The following RNF4 variants were observed in gnomAD, a reference collection of about 807,000 sequenced individuals.
RNF4 encodes the protein ring finger protein 4, also known as E3 ubiquitin-protein ligase RNF4.
Under a neutral mutation model 24.3 loss-of-function variants are expected in RNF4, and 7 were observed. The ratio of observed to expected loss-of-function variants is 0.29; its 90% CI spans 0.16 to 0.54. The LOEUF (loss-of-function observed/expected upper bound fraction) is 0.54, where lower values mean the gene tolerates loss of function less well. RNF4 is among the 20% of genes least tolerant of loss of function. The probability of loss-of-function intolerance (pLI) is 0.95; values close to 1 mark genes in which losing one functional copy is unlikely to be tolerated. For missense variants in RNF4, 209 were observed against 248.5 expected (o/e 0.84, Z 1.07); for synonymous variants, 83 against 84.3 (o/e 0.98, Z 0.09).
intron 2 of RNF4, chr4:2,490,765 AC>A (rs1735555279): frequency 2.5e-6 from 1 of 400,764 alleles, no homozygotes; most frequent in African/African-American, 2.0e-5. Context: ...GACCTTCACA[AC>A]AGTTGTCAGT....
Position 2,484,272 on chromosome 4 carries a change from C to T in RNF4, c.-157-6065C>T, listed in dbSNP as rs143300910. On this transcript the variant is annotated intron_variant, in intron 1 of 7. Transcript: ENST00000314289. The stretch of plus-strand genomic sequence containing the variant: ...TCCCTGTGGACTGGCTGCAGAGTTA[C>T]GATATCATTCTGGTTCTGCTGTGCT... 1.3e-3 allele frequency among the ~76,000 whole-genome samples: 192 copies of T among 151,918 alleles called. 1 individual carries two copies. Among genetic ancestry groups the T allele is most frequent in the African/African-American group, 4.4e-3 (183 of 41,404 alleles).
intron 1 of RNF4, among the ~76,000 whole-genome samples, chr4:2,478,015 C>T (rs1336412606): frequency 6.6e-6 from 1 of 152,086 alleles, no homozygotes; most frequent in Non-Finnish European, 1.5e-5. Context: ...ACAATGAAAT[C>T]CAGGCTGAGA....
At position 2,482,371 on chromosome 4, in the gene RNF4, C is replaced by A. The variant is rs575786179; in HGVS notation, c.-157-7966C>A. On this transcript the variant is annotated intron_variant, in intron 1 of 7. Transcript: ENST00000314289. ...CTCTGTGCTCAGTGGCCATCAACAC[C>A]AGGTAGCTTGGCAAGCCTGCCTCCT... Among the ~76,000 whole-genome samples, 15 of 152,342 alleles carry A rather than the reference C, an allele frequency of 9.8e-5. No individual in the cohort carries two copies. In the South Asian group the frequency reaches 3.1e-3, roughly 32 times the overall value.
At chr4:2,507,891 G>C (rs1560413493) in intron 4 of RNF4, among the ~76,000 whole-genome samples, 1 of 151,236 alleles carries the variant, frequency 6.6e-6, no homozygotes, top group Non-Finnish European at 1.5e-5. Flanking sequence ...GTGTTGCTCT[G>C]TTGCCCAGGC....
In RNF4 at chr4:2,513,101, T is replaced by C. The variant is rs546456474; in HGVS notation, c.393T>C (p.Ser131=). Residue 131 remains serine, a synonymous_variant, in exon 7 of 8, where the codon AGT becomes AGC. Coordinates refer to ENST00000314289, the MANE Select transcript of RNF4 (RefSeq NM_002938.5). ...ATGLRPSGTV[S]CPICMDGYSE... ...CTCTTAGGCCCTCAGGTACTGTCAG[T>C]TGTCCCATCTGCATGGACGGATACT... is the stretch of plus-strand genomic sequence containing the variant. 2.2e-5 allele frequency: 35 copies of C among 1,613,952 alleles called. 1 individual carries two copies. The South Asian group carries it at 3.8e-4, about 18-fold the overall frequency.
chr4:2,501,733 G>A (rs1343182096), intron 4 of RNF4, among the ~76,000 whole-genome samples: 1 of 152,200 alleles, frequency 6.6e-6, no homozygotes, highest in Admixed American at 6.5e-5. Context: ...GAGGAGGACT[G>A]TGGGGTGTGG....
Position 2,512,399 on chromosome 4 carries a change from AG to A in RNF4, c.215-38del. On this transcript the variant is annotated intron_variant, in intron 5 of 7. Transcript: ENST00000314289. This position sits in a 1 kb window ranked among gnomAD's most constrained non-coding sequence, Gnocchi z 4.1. Reference sequence around the variant, plus strand: ...TGGGAGTGGTGAGGATGGTAAGAGTAGAGAGCCTCCAACCTGAAAATGTGAC... The same window carrying A: ...TGGGAGTGGTGAGGATGGTAAGAGTAAGAGCCTCCAACCTGAAAATGTGAC... 1 of 1,576,644 alleles carries A rather than the reference AG, an allele frequency of 6.3e-7. No homozygotes were observed. Among genetic ancestry groups the A allele is most frequent in the South Asian group, 1.2e-5 (1 of 86,150 alleles).
intron 1 of RNF4, among the ~76,000 whole-genome samples, chr4:2,483,415 A>G (rs1735300926): frequency 1.3e-5 from 2 of 152,218 alleles, no homozygotes; most frequent in Non-Finnish European, 2.9e-5. Flanking sequence ...GCTTAACCAC[A>G]TACCCTCATT....
intron 2 of RNF4, among the ~76,000 whole-genome samples, chr4:2,491,385 C>T (rs1461754273): frequency 6.6e-6 from 1 of 152,066 alleles, no homozygotes; most frequent in Non-Finnish European, 1.5e-5. Context: ...TACAGGCATG[C>T]ACCTCCCCGC....
intron 1 of RNF4, among the ~76,000 whole-genome samples, chr4:2,477,804 C>T (rs186611044): frequency 2.1e-3 from 325 of 152,236 alleles, no homozygotes; most frequent in African/African-American, 7.0e-3. Context: ...TGAAAACATA[C>T]TGGTACAGTA....
chr4:2,490,687 G>C, intron 2 of RNF4, 185 bp downstream of exon 2: 1 of 583,248 alleles, frequency 1.7e-6, no homozygotes, highest in East Asian at 2.9e-5. Context: ...AGCTACATTC[G>C]AGTCATAAAG....
At chr4:2,507,761 T>C (rs920199332) in intron 4 of RNF4, among the ~76,000 whole-genome samples, 1 of 152,118 alleles carries the variant, frequency 6.6e-6, no homozygotes, top group Non-Finnish European at 1.5e-5. Flanking sequence ...GGTCCACTCG[T>C]CTCTAAATGC....
At chr4:2,482,800 A>G (rs971338186) in intron 1 of RNF4, among the ~76,000 whole-genome samples, 3 of 152,174 alleles carry the variant, frequency 2.0e-5, no homozygotes, top group Non-Finnish European at 1.5e-5. Flanking sequence ...GGGGAGGCCA[A>G]TGTTCAAGGC....
At chr4:2,503,344 C>T (rs1735973445) in intron 4 of RNF4, among the ~76,000 whole-genome samples, 2 of 152,034 alleles carry the variant, frequency 1.3e-5, no homozygotes, top group South Asian at 4.1e-4. Context: ...CATTGGGAGA[C>T]CCGGGGACCA....
At position 2,514,087 on chromosome 4, in the gene RNF4, C is replaced by T. The variant is rs1181222384; in HGVS notation, c.*268C>T. 1.4e-5 allele frequency: 6 copies of T among 417,938 alleles called. No individual in the cohort carries two copies. Among genetic ancestry groups the T allele is most frequent in the South Asian group, 9.0e-5 (2 of 22,328 alleles). The allele number at this position is 417,938 out of a possible 1,614,324, so 25.9% of individuals were successfully genotyped here. ...AAAGGGAGTCAGGCGCATTGGGAAT[C>T]GTGGTTCCAGTCTGGTTGCAGAATC... On this transcript the variant is annotated 3_prime_UTR_variant, in exon 8 of 8. Transcript: ENST00000314289.
At chr4:2,476,120 CCT>C (rs2108749798) in intron 1 of RNF4, among the ~76,000 whole-genome samples, 1 of 152,242 alleles carries the variant, frequency 6.6e-6, no homozygotes, top group African/African-American at 2.4e-5. Context: ...TAAGTTTTCT[CCT>C]CTCACCAGCT....
At chr4:2,483,654 AT>A (rs1735309561) in intron 1 of RNF4, among the ~76,000 whole-genome samples, 1 of 151,924 alleles carries the variant, frequency 6.6e-6, no homozygotes. Context: ...AAATACAAAA[AT>A]TAGCCGGGCA....
intron 1 of RNF4, among the ~76,000 whole-genome samples, chr4:2,475,582 C>T (rs572140100): frequency 6.6e-6 from 1 of 152,328 alleles, no homozygotes; most frequent in South Asian, 2.1e-4. Context: ...TCAAGATCCA[C>T]CCGCCTCAGC....
At chr4:2,495,758 G>A (rs996919024) in intron 2 of RNF4, among the ~76,000 whole-genome samples, 3 of 151,916 alleles carry the variant, frequency 2.0e-5, no homozygotes, top group African/African-American at 7.3e-5. Flanking sequence ...TCAGCCTCCC[G>A]AGTAGCTGGG....
Sources: gnomAD v4.1 joint callset for allele counts (sites outside exome capture counted in the v4.1 genomes callset) on GRCh38, gnomAD v4.1.1 for gene constraint, Gnocchi (gnomAD v3.1) non-coding constraint, MANE v1.5 for transcripts, NCBI Gene and HGNC (gene_info 2026-07-23, HGNC 2026-07-21) for gene names.